PLCB4: variants seen among roughly 807,000 people sequenced by gnomAD.
The protein encoded by PLCB4 is phospholipase C beta 4.
A neutral mutation model predicts 178.8 loss-of-function variants in PLCB4; 77 were observed. The observed-to-expected ratio is 0.43, with a 90% CI of 0.36 to 0.52. The LOEUF is 0.52. PLCB4 is among the 20% of genes least tolerant of loss of function. The pLI is 0.00. For missense variants in PLCB4, 1,024 were observed against 1,453.4 expected (o/e 0.70, Z 4.80); for synonymous variants, 496 against 490.8 (o/e 1.01, Z -0.14).
intron 2 of PLCB4, among the ~76,000 whole-genome samples, chr20:9,098,063 G>T (rs754691238): frequency 6.6e-6 from 1 of 152,178 alleles, no homozygotes; most frequent in Non-Finnish European, 1.5e-5. Context: ...TCAAAAACCT[G>T]CTGTATGCAA....
chr20:9,307,525 ACACACACACAC>A (rs1319543837), intron 3 of PLCB4, among the ~76,000 whole-genome samples: 4 of 151,116 alleles, frequency 2.6e-5, no homozygotes, highest in African/African-American at 9.7e-5. Flanking sequence ...ACACACACAC[ACACACACACAC>A]ACACACACAC....
At chr20:9,184,510 C>T (rs569617358) in intron 2 of PLCB4, among the ~76,000 whole-genome samples, 1 of 149,228 alleles carries the variant, frequency 6.7e-6, no homozygotes, top group South Asian at 2.1e-4. Flanking sequence ...AGATTGATAA[C>T]ATTACTATGC....
chr20:9,264,917 G>C (rs2094334041), intron 3 of PLCB4, among the ~76,000 whole-genome samples: 1 of 152,106 alleles, frequency 6.6e-6, no homozygotes, highest in South Asian at 2.1e-4. Context: ...TACCAAACAG[G>C]TGTGGATGTG....
intron 4 of PLCB4, among the ~76,000 whole-genome samples, chr20:9,309,167 G>A (rs2094803018): frequency 6.6e-6 from 1 of 152,004 alleles, no homozygotes; most frequent in South Asian, 2.1e-4. Context: ...TCTATAATTT[G>A]GCTCCTGCTT....
chr20:9,340,854 TG>T (rs1209773460), intron 7 of PLCB4, among the ~76,000 whole-genome samples: 1 of 152,154 alleles, frequency 6.6e-6, no homozygotes, highest in Non-Finnish European at 1.5e-5. Flanking sequence ...AGTTATGACG[TG>T]GGAAGCACTT....
At chr20:9,179,520 C>G (rs2093210830) in intron 2 of PLCB4, among the ~76,000 whole-genome samples, 1 of 152,210 alleles carries the variant, frequency 6.6e-6, no homozygotes, top group Non-Finnish European at 1.5e-5. Flanking sequence ...CATTTCTGAT[C>G]TACAGAACTG....
intron 7 of PLCB4, among the ~76,000 whole-genome samples, chr20:9,355,674 AT>A (rs1321518235): frequency 6.6e-6 from 1 of 151,354 alleles, no homozygotes; most frequent in Non-Finnish European, 1.5e-5. Context: ...TATGTGCCAC[AT>A]TTTCTTAATC....
intron 4 of PLCB4, among the ~76,000 whole-genome samples, chr20:9,308,124 G>T (rs569077744): frequency 6.6e-6 from 1 of 152,136 alleles, no homozygotes; most frequent in Non-Finnish European, 1.5e-5. Context: ...CATTTTATGT[G>T]TATTATTTGT....
At chr20:9,131,970 C>T (rs755420344) in intron 2 of PLCB4, among the ~76,000 whole-genome samples, 1 of 152,164 alleles carries the variant, frequency 6.6e-6, no homozygotes, top group Admixed American at 6.5e-5. Flanking sequence ...GGCCGTCTCG[C>T]ATGTTCCAGC....
At chr20:9,373,200 C>G (rs1306744187) in intron 12 of PLCB4, 96 bp downstream of exon 12, 3 of 612,408 alleles carry the variant, frequency 4.9e-6, no homozygotes, top group Non-Finnish European at 8.8e-6. Context: ...TGCCCTTATT[C>G]GCTTTGCTTC....
At chr20:9,399,884 A>G (rs1028525239) in intron 19 of PLCB4, among the ~76,000 whole-genome samples, 4 of 152,238 alleles carry the variant, frequency 2.6e-5, no homozygotes, top group African/African-American at 9.6e-5. Context: ...ACTGTAGGTC[A>G]TGGAAACCTA....
intron 32 of PLCB4, among the ~76,000 whole-genome samples, chr20:9,451,675 C>T (rs570412368): frequency 1.3e-5 from 2 of 152,260 alleles, no homozygotes; most frequent in East Asian, 3.9e-4. Flanking sequence ...ATTGATATCC[C>T]TATCTCAAGT....
At chr20:9,348,777 T>G (rs944181659) in intron 7 of PLCB4, among the ~76,000 whole-genome samples, 1 of 152,202 alleles carries the variant, frequency 6.6e-6, no homozygotes, top group Non-Finnish European at 1.5e-5. Flanking sequence ...CAGCTGAAGC[T>G]AGAGGATATT....
rs114633820 is a variant in PLCB4 at position 9,421,276 on chromosome 20, C to T, written c.2155-21C>T. 2.4e-3 allele frequency: 3,809 copies of T among 1,589,532 alleles called. 85 individuals carry two copies. In the African/African-American group the frequency reaches 0.046, roughly 19 times the overall value. ...CTTACACAGAGCTTACTTCTCTTTG[C>T]TCTCGTTCGTGCTGCTACAGGTTAT... On this transcript the variant is annotated intron_variant, in intron 26 of 39. Coordinates refer to ENST00000378473, the MANE Select transcript of PLCB4 (RefSeq NM_001377142.1).
intron 36 of PLCB4, among the ~76,000 whole-genome samples, chr20:9,469,923 T>C (rs1474444595): frequency 6.6e-6 from 1 of 152,182 alleles, no homozygotes; most frequent in Admixed American, 6.5e-5. Flanking sequence ...ATCAGCTCCA[T>C]AACCAAGAGC....
chr20:9,188,658 G>A (rs1316745988), intron 2 of PLCB4, among the ~76,000 whole-genome samples: 3 of 140,958 alleles, frequency 2.1e-5, no homozygotes, highest in Non-Finnish European at 4.6e-5. Context: ...CATTGTGGAG[G>A]GCTGTCATAT....
rs968820477 is a variant in PLCB4, at chr20:9,204,370, G to A, written c.-78-13020G>A. Among the ~76,000 whole-genome samples, 9 of 151,440 alleles carry A rather than the reference G, an allele frequency of 5.9e-5. No individual in the cohort carries two copies. The East Asian group carries it at 1.6e-3, about 26-fold the overall frequency. The stretch of plus-strand genomic sequence containing the variant: ...ATCCAAGCTCTAAGATTTTTTTTGC[G>A]GGGGTGGGGATCGAGTCTTGCTCTG... On this transcript the variant is annotated intron_variant, in intron 2 of 39. Transcript: ENST00000378473.
At chr20:9,138,575 A>G (rs1421649139) in intron 2 of PLCB4, among the ~76,000 whole-genome samples, 1 of 152,076 alleles carries the variant, frequency 6.6e-6, no homozygotes, top group Admixed American at 6.6e-5. Context: ...CCATTACACA[A>G]TTACCTTCTA....
chr20:9,444,619 G>C (rs1304527839), intron 32 of PLCB4, among the ~76,000 whole-genome samples: 2 of 152,216 alleles, frequency 1.3e-5, no homozygotes, highest in African/African-American at 4.8e-5. Flanking sequence ...AAAATTAGCT[G>C]GGTGTGGTGA....
Sources: allele counts gnomAD v4.1 joint callset (sites outside exome capture counted in the v4.1 genomes callset), GRCh38; gene constraint gnomAD v4.1.1; transcripts MANE v1.5; gene names NCBI Gene and HGNC (gene_info 2026-07-23, HGNC 2026-07-21).